The following KIF25 variants were observed in gnomAD, a reference collection of about 807,000 sequenced individuals.
KIF25 encodes the protein kinesin family member 25.
Under a neutral mutation model 32.9 loss-of-function variants are expected in KIF25, and 19 were observed. The ratio of observed to expected loss-of-function variants is 0.58; its 90% CI spans 0.40 to 0.85. The LOEUF (loss-of-function observed/expected upper bound fraction) is 0.85. KIF25 is among the 40% of genes least tolerant of loss of function. The pLI, the probability that KIF25 is intolerant of heterozygous loss-of-function variation, is 0.00. For missense variants in KIF25, 485 were observed against 507.0 expected (o/e 0.96, Z 0.42); for synonymous variants, 225 against 213.7 (o/e 1.05, Z -0.46).
At position 167,998,573 on chromosome 6, in the gene KIF25, TAA is replaced by T. The variant is rs1457910419; in HGVS notation, c.-895_-894del. On this transcript the variant is annotated 5_prime_UTR_variant, in exon 1 of 13. An upstream open reading frame in the 5' UTR loses its in-frame stop. Transcript: ENST00000643607. The stretch of plus-strand genomic sequence containing the variant: ...GGAGTTTATGAGAATAAAAAGCTTC[TAA>T]TTTCCTTCCAGTCATTAAATCAAGG... 1.3e-5 allele frequency: 2 copies of T among 152,216 alleles called. No individual in the cohort carries two copies. The highest frequency in any genetic ancestry group is 4.8e-5 in the African/African-American group (2 of 41,456). 9.4% of individuals were successfully genotyped at this position (152,216 alleles called of 1,614,324 possible). A position where few individuals can be genotyped will look rare whatever the true frequency, so the allele number is the denominator to read the frequency against.
In KIF25 at chr6:168,042,291, C is replaced by T. The variant is rs117190346; in HGVS notation, c.829+140C>T. ...CCCTCCACAGGTGAGTTCCAAATCC[C>T]GTTACATTCTCAGGGATTGGTTCTC... is the stretch of plus-strand genomic sequence containing the variant. On this transcript the variant is annotated intron_variant, in intron 11 of 12. Transcript: ENST00000643607. 9,174 of 959,200 alleles carry T rather than the reference C, an allele frequency of 9.6e-3. 66 individuals are homozygous for T. The highest frequency in any genetic ancestry group is 0.023 in the Middle Eastern group (68 of 2,920). The allele number at this position is 959,200 out of a possible 1,614,324, so 59.4% of individuals were successfully genotyped here.
At chr6:168,015,349 G>A (rs1188228026) in intron 4 of KIF25, among the ~76,000 whole-genome samples, 3 of 152,150 alleles carry the variant, frequency 2.0e-5, no homozygotes, top group Admixed American at 2.0e-4. Context: ...AAAATTTGAT[G>A]GCAAAGAATT....
At chr6:168,028,439 T>C (rs1798895060) in intron 5 of KIF25, among the ~76,000 whole-genome samples, 1 of 152,216 alleles carries the variant, frequency 6.6e-6, no homozygotes, top group Non-Finnish European at 1.5e-5. Flanking sequence ...GTTGTATCTG[T>C]CTTCCTTCGG....
In KIF25 at chr6:168,033,262, G is replaced by A. The variant is rs553530396; in HGVS notation, c.168-620G>A. Among the ~76,000 whole-genome samples, 8 of 152,276 alleles carry A rather than the reference G, an allele frequency of 5.3e-5. No individual in the cohort carries two copies. In the South Asian group the frequency reaches 8.3e-4, roughly 16 times the overall value. The stretch of plus-strand genomic sequence containing the variant: ...TGCTTGTAATCCCAGCACTTTAGGA[G>A]GTTAAAGCAGGAGGATCCCTTGAGT... On this transcript the variant is annotated intron_variant, in intron 7 of 12. Coordinates refer to ENST00000643607, the MANE Select transcript of KIF25 (RefSeq NM_030615.4).
chr6:168,038,532 C>T lies in KIF25; in HGVS notation c.318-21C>T, dbSNP rs773665254. 14 of 1,612,658 alleles carry T rather than the reference C, an allele frequency of 8.7e-6. No homozygotes were observed. The East Asian group carries it at 2.2e-4, about 26-fold the overall frequency. ...ACTCTGTGAGACTTTCTGTAAGTTTCTCTTGTGTGTTTTCCCGCAGGCTCA... is the reference window on the plus strand; with the variant it reads ...ACTCTGTGAGACTTTCTGTAAGTTTTTCTTGTGTGTTTTCCCGCAGGCTCA... On this transcript the variant is annotated intron_variant, in intron 8 of 12. Transcript: ENST00000643607.
At chr6:168,012,692 C>T (rs191326832) in intron 4 of KIF25, among the ~76,000 whole-genome samples, 152 of 152,196 alleles carry the variant, frequency 1.0e-3, no homozygotes, top group African/African-American at 2.9e-3. Flanking sequence ...TCCAGGACAC[C>T]GACACAAGGC....
At chr6:168,010,620 A>C (rs1798636050) in intron 4 of KIF25, among the ~76,000 whole-genome samples, 1 of 152,132 alleles carries the variant, frequency 6.6e-6, no homozygotes, top group South Asian at 2.1e-4. Context: ...AATGTTCTGT[A>C]AGTGTCTTCT....
chr6:168,026,779 G>T (rs1411540994), intron 5 of KIF25, among the ~76,000 whole-genome samples: 1 of 152,200 alleles, frequency 6.6e-6, no homozygotes, highest in Non-Finnish European at 1.5e-5. Flanking sequence ...AGGAGAAAAA[G>T]AATAAGTCAT....
chr6:168,040,283 A>C, intron 10 of KIF25, 67 bp downstream of exon 10: 3 of 1,503,406 alleles, frequency 2.0e-6, no homozygotes, highest in Non-Finnish European at 2.7e-6. Flanking sequence ...GAAAAAAATC[A>C]GGCCAGGCAC....
chr6:168,020,457 C>T lies in KIF25; in HGVS notation c.-95+2417C>T, dbSNP rs143036186. Among the ~76,000 whole-genome samples the T allele has an allele frequency of 3.1e-3, 466 of 151,536 alleles. 3 individuals carry two copies. The highest frequency in any genetic ancestry group is 0.011 in the African/African-American group (439 of 41,178). ...AGGACATGTGGGCATATGCAAAAGA[C>T]GCTTTTTCTTATTAAAAAAAAAAAA... On this transcript the variant is annotated intron_variant, in intron 5 of 12. Transcript: ENST00000643607.
intron 10 of KIF25, among the ~76,000 whole-genome samples, chr6:168,041,459 A>C (rs571294588): frequency 6.6e-6 from 1 of 152,356 alleles, no homozygotes; most frequent in South Asian, 2.1e-4. Context: ...ACCGGATTTC[A>C]TGTCCTTTAA....
intron 5 of KIF25, 53 bp downstream of exon 5, chr6:168,018,093 A>G (rs1798740339): frequency 6.6e-6 from 1 of 152,568 alleles, no homozygotes; most frequent in South Asian, 2.1e-4. Context: ...TAAAAATACA[A>G]ATTTTGCATT....
At chr6:168,044,146 G>A (rs1444547702) in intron 12 of KIF25, among the ~76,000 whole-genome samples, 1 of 152,018 alleles carries the variant, frequency 6.6e-6, no homozygotes, top group Non-Finnish European at 1.5e-5. Flanking sequence ...GCTAGTGACC[G>A]GCTGCTGACC....
chr6:168,017,433 T>C (rs973471234), intron 4 of KIF25, among the ~76,000 whole-genome samples: 7 of 152,262 alleles, frequency 4.6e-5, no homozygotes, highest in Non-Finnish European at 1.0e-4. Context: ...TCAGATTTCT[T>C]GCTGAAAAAT....
chr6:168,043,291 C>G (rs983346445), intron 12 of KIF25, among the ~76,000 whole-genome samples: 1 of 152,194 alleles, frequency 6.6e-6, no homozygotes, highest in Non-Finnish European at 1.5e-5. Flanking sequence ...GGAAGCATTG[C>G]GGCTCTTCCT....
At chr6:168,029,722 G>A (rs762811637) in intron 6 of KIF25, 45 bp downstream of exon 6, 53 of 1,583,024 alleles carry the variant, frequency 3.3e-5, no homozygotes, top group Non-Finnish European at 4.3e-5. Context: ...GTCTGGAGCC[G>A]GGTGATGTGC....
chr6:168,025,551 T>C (rs1213487473), intron 5 of KIF25, among the ~76,000 whole-genome samples: 2 of 152,130 alleles, frequency 1.3e-5, no homozygotes, highest in Non-Finnish European at 2.9e-5. Context: ...TAAAAGCTTT[T>C]TCCTTCCTCC....
Position 168,042,681 on chromosome 6 carries a change from A to T in KIF25, c.950A>T (p.Asn317Ile). The change falls in exon 12 of 13, where the codon AAC becomes ATC. Residue 317 changes from asparagine to isoleucine, a missense_variant. Coordinates refer to ENST00000643607, the MANE Select transcript of KIF25 (RefSeq NM_030615.4). Reference protein sequence around the residue: ...LEHRGHAPYRNSRLTHLLQDC... With the variant: ...LEHRGHAPYRISRLTHLLQDC... Reference sequence around the variant, plus strand: ...CACCGTGGCCATGCCCCGTACCGGAACAGCAGGCTCACCCACCTCCTTCAG... The same window carrying T: ...CACCGTGGCCATGCCCCGTACCGGATCAGCAGGCTCACCCACCTCCTTCAG... The T allele has an allele frequency of 6.2e-7, 1 of 1,613,250 alleles. No individual in the cohort carries two copies. Among genetic ancestry groups the T allele is most frequent in the Non-Finnish European group, 8.5e-7 (1 of 1,179,986 alleles).
chr6:168,042,435 C>T (rs1799138422), intron 11 of KIF25, 126 bp from the exon 12 acceptor site: 1 of 1,218,560 alleles, frequency 8.2e-7, no homozygotes, highest in Non-Finnish European at 1.1e-6. Context: ...CACTCACTCT[C>T]ATGCCTGTCC....
Sources: gnomAD v4.1 joint callset for allele counts (sites outside exome capture counted in the v4.1 genomes callset) on GRCh38, gnomAD v4.1.1 for gene constraint, MANE v1.5 for transcripts, NCBI Gene and HGNC (gene_info 2026-07-23, HGNC 2026-07-21) for gene names.